Variants in PTPN14 observed in about 807,000 individuals in gnomAD.
PTPN14 encodes the protein tyrosine-protein phosphatase non-receptor type 14.
In PTPN14, 53 loss-of-function variants were observed where a neutral mutation model predicts 126.8. The observed-to-expected ratio is 0.42, with a 90% confidence interval of 0.34 to 0.53. The LOEUF (loss-of-function observed/expected upper bound fraction) is 0.53. Among genes scored for constraint, PTPN14 ranks in the 20% least tolerant of loss-of-function variants. The pLI is 0.08. For synonymous variants in PTPN14, 630 were observed against 599.3 expected (o/e 1.05, Z -0.75); for missense variants, 1,257 against 1,552.9 (o/e 0.81, Z 3.20).
intron 5 of PTPN14, among the ~76,000 whole-genome samples, chr1:214,409,253 G>C (rs1381090111): frequency 6.6e-6 from 1 of 152,124 alleles, no homozygotes; most frequent in Non-Finnish European, 1.5e-5. Flanking sequence ...ACTCAGCTTT[G>C]GTAACCACCA....
chr1:214,550,344 C>A (rs1372477906), intron 1 of PTPN14, among the ~76,000 whole-genome samples: 1 of 152,196 alleles, frequency 6.6e-6, no homozygotes, highest in Non-Finnish European at 1.5e-5. Flanking sequence ...GAACCTGCGA[C>A]AGCCAGTCCC....
In PTPN14 at chr1:214,357,698, C is replaced by A; in HGVS notation, c.*224G>T. ...GAAAAGTACTATATTACTAGGGAAACTGCATTATAATAATTCACAAAAGTT... is the reference window on the plus strand; with the variant it reads ...GAAAAGTACTATATTACTAGGGAAAATGCATTATAATAATTCACAAAAGTT... On this transcript the variant is annotated 3_prime_UTR_variant, in exon 19 of 19. Transcript: ENST00000366956. 2.4e-6 allele frequency: 1 copy of A among 409,082 alleles called. No homozygotes were observed. The highest frequency in any genetic ancestry group is 4.0e-5 in the South Asian group (1 of 25,178). 25.3% of individuals were successfully genotyped at this position (409,082 alleles called of 1,614,324 possible). A position where few individuals can be genotyped will look rare whatever the true frequency, so the allele number is the denominator to read the frequency against.
chr1:214,494,296 T>C (rs1234434343), intron 1 of PTPN14, among the ~76,000 whole-genome samples: 1 of 152,068 alleles, frequency 6.6e-6, no homozygotes, highest in Non-Finnish European at 1.5e-5. Flanking sequence ...TCTCCTGACC[T>C]TGTGATCCGC....
chr1:214,533,155 G>A (rs1655597714), intron 1 of PTPN14: 6 of 755,674 alleles, frequency 7.9e-6, no homozygotes, highest in East Asian at 2.7e-5. Flanking sequence ...CCTGAGGGAG[G>A]TGGAGGTCCG....
intron 1 of PTPN14, among the ~76,000 whole-genome samples, chr1:214,521,852 G>C (rs1171861421): frequency 1.3e-5 from 2 of 150,310 alleles, no homozygotes; most frequent in African/African-American, 4.9e-5. Context: ...CCAGTTGTTT[G>C]TCAGAAGGTA....
At chr1:214,374,737 T>TG (rs1470766257) in intron 15 of PTPN14, among the ~76,000 whole-genome samples, 7 of 152,226 alleles carry the variant, frequency 4.6e-5, no homozygotes, top group African/African-American at 1.7e-4. Flanking sequence ...GGATGAAATG[T>TG]GGGCCACAGA....
chr1:214,438,959 A>AC (rs1361821873), intron 3 of PTPN14, among the ~76,000 whole-genome samples: 1 of 152,242 alleles, frequency 6.6e-6, no homozygotes, highest in African/African-American at 2.4e-5. Context: ...TAAACACAAG[A>AC]ACTTAATTTT....
Position 214,384,194 on chromosome 1 carries a change from C to T in PTPN14, c.1661G>A (p.Ser554Asn). 6.2e-7 allele frequency: 1 copy of T among 1,610,026 alleles called. No homozygotes were observed. Among genetic ancestry groups the T allele is most frequent in the African/African-American group, 1.3e-5 (1 of 75,008 alleles). ...NMQLQGSHNY[S>N]TAHMLKNYLF... ...ATAGTTCTTAAGCATGTGGGCCGTG[C>T]TGTAGTTATGGCTGCCCTGCAGCTG... The change falls in exon 13 of 19, where the codon AGC becomes AAC. Residue 554 changes from serine to asparagine, a missense_variant. By Grantham distance (46) the Ser-to-Asn change is conservative. Around this residue, in one of 3 missense-constraint regions of PTPN14, gnomAD observed 1,021 missense variants for 1,183.3 expected, o/e 0.86. Transcript: ENST00000366956. The surrounding 1 kb of genome is among the most constrained non-coding windows in gnomAD (Gnocchi z 5.3).
At chr1:214,492,808 T>C (rs1320420733) in intron 1 of PTPN14, among the ~76,000 whole-genome samples, 1 of 150,682 alleles carries the variant, frequency 6.6e-6, no homozygotes, top group Non-Finnish European at 1.5e-5. Flanking sequence ...CCCAGGAGGC[T>C]GAGGCACGAG....
At chr1:214,516,988 T>C (rs967948656) in intron 1 of PTPN14, among the ~76,000 whole-genome samples, 3 of 152,136 alleles carry the variant, frequency 2.0e-5, no homozygotes, top group Admixed American at 6.6e-5. Context: ...TCATGTTCCC[T>C]CTTTCCTCCT....
At chr1:214,426,972 G>C (rs540658084) in intron 3 of PTPN14, among the ~76,000 whole-genome samples, 5 of 152,136 alleles carry the variant, frequency 3.3e-5, no homozygotes, top group African/African-American at 9.6e-5. Context: ...ATCTCAGCAG[G>C]CTTCTCCTAA....
chr1:214,477,178 C>T (rs902579616), intron 1 of PTPN14, among the ~76,000 whole-genome samples: 1 of 152,164 alleles, frequency 6.6e-6, no homozygotes, highest in African/African-American at 2.4e-5. Context: ...AATCACTTCT[C>T]CAGAGCCAAG....
At chr1:214,494,284 G>C (rs903618433) in intron 1 of PTPN14, among the ~76,000 whole-genome samples, 1 of 151,918 alleles carries the variant, frequency 6.6e-6, no homozygotes, top group African/African-American at 2.4e-5. Flanking sequence ...GGTATCTCTC[G>C]ATCTCCTGAC....
At chr1:214,506,931 TG>T (rs1654860023) in intron 1 of PTPN14, among the ~76,000 whole-genome samples, 1 of 151,974 alleles carries the variant, frequency 6.6e-6, no homozygotes, top group Non-Finnish European at 1.5e-5. Flanking sequence ...TTCCATGTTT[TG>T]TACTGAGGAA....
chr1:214,451,740 C>T, intron 3 of PTPN14, 65 bp downstream of exon 3: 1 of 1,553,224 alleles, frequency 6.4e-7, no homozygotes, highest in Non-Finnish European at 8.8e-7. Flanking sequence ...AGCTCATCTA[C>T]TTCATTGGAA....
rs758166962 is a variant in PTPN14 at position 214,357,834 on chromosome 1, CCT to C, written c.*86_*87del. 78 of 1,276,612 alleles carry C rather than the reference CCT, an allele frequency of 6.1e-5. No homozygotes were observed. Among genetic ancestry groups the C allele is most frequent in the Non-Finnish European group, 8.1e-5 (73 of 898,560 alleles). The allele number at this position is 1,276,612 out of a possible 1,614,324, so 79.1% of individuals were successfully genotyped here. On this transcript the variant is annotated 3_prime_UTR_variant, in exon 19 of 19. Transcript: ENST00000366956. ...CTGTTTGCTGCCAGCCACCTGCACCCCTGTGGGGGGAGCAGATGTTGTCTGGA... is the reference window on the plus strand; with the variant it reads ...CTGTTTGCTGCCAGCCACCTGCACCCGTGGGGGGAGCAGATGTTGTCTGGA...
At chr1:214,422,005 A>C (rs1246047574) in intron 3 of PTPN14, among the ~76,000 whole-genome samples, 2 of 152,214 alleles carry the variant, frequency 1.3e-5, no homozygotes, top group Non-Finnish European at 2.9e-5. Flanking sequence ...AGTACCTGGC[A>C]CTAAGTAGAA....
At chr1:214,446,285 G>A (rs986292389) in intron 3 of PTPN14, among the ~76,000 whole-genome samples, 3 of 151,464 alleles carry the variant, frequency 2.0e-5, no homozygotes, top group Admixed American at 2.0e-4. Context: ...CCTTTTATTT[G>A]TAGCCCTGTG....
intron 10 of PTPN14, among the ~76,000 whole-genome samples, chr1:214,391,942 G>C (rs2102550396): frequency 6.6e-6 from 1 of 152,242 alleles, no homozygotes. Flanking sequence ...CCTATAACAA[G>C]AAATTGAGGA....
Sources: allele counts gnomAD v4.1 joint callset (sites outside exome capture counted in the v4.1 genomes callset), GRCh38; gene constraint gnomAD v4.1.1; regional missense constraint gnomAD v4.1.1; non-coding constraint Gnocchi (gnomAD v3.1); transcripts MANE v1.5; gene names NCBI Gene and HGNC (gene_info 2026-07-23, HGNC 2026-07-21).